The following ATP8A2 variants were observed in gnomAD, a reference collection of about 807,000 sequenced individuals.
ATP8A2 encodes phospholipid-transporting ATPase IB.
Under a neutral mutation model 165.6 loss-of-function variants are expected in ATP8A2, and 100 were observed. That is an observed-to-expected ratio of 0.60 (90% confidence interval 0.51 to 0.71). ATP8A2 has a LOEUF of 0.71. Ranked by LOEUF, ATP8A2 falls within the 30% of genes least tolerant of loss-of-function variation. ATP8A2 has a pLI of 0.00. For synonymous variants in ATP8A2, 543 were observed against 548.8 expected (o/e 0.99, Z 0.15); for missense variants, 1,227 against 1,479.5 (o/e 0.83, Z 2.80).
intron 5 of ATP8A2, 140 bp downstream of exon 5, chr13:25,532,457 C>T: frequency 3.3e-6 from 2 of 602,598 alleles, no homozygotes; most frequent in Non-Finnish European, 5.8e-6. Flanking sequence ...AGTAAAATAA[C>T]AAACAAACTG....
At chr13:25,778,026 T>G (rs906554582) in intron 27 of ATP8A2, among the ~76,000 whole-genome samples, 5 of 152,224 alleles carry the variant, frequency 3.3e-5, no homozygotes, top group African/African-American at 1.2e-4. Flanking sequence ...CTTCTGCAAC[T>G]CATTTCACCT....
At chr13:25,933,489 T>C (rs1954816605) in intron 33 of ATP8A2, among the ~76,000 whole-genome samples, 1 of 152,200 alleles carries the variant, frequency 6.6e-6, no homozygotes, top group South Asian at 2.1e-4. Flanking sequence ...TCTTTTTAAA[T>C]TCATGTTAAA....
At chr13:25,500,881 A>G (rs1004386859) in intron 2 of ATP8A2, among the ~76,000 whole-genome samples, 1 of 152,182 alleles carries the variant, frequency 6.6e-6, no homozygotes, top group Non-Finnish European at 1.5e-5. Context: ...ACCAATATAT[A>G]TAATTTTAAG....
At chr13:25,636,611 A>C (rs1380922663) in intron 24 of ATP8A2, among the ~76,000 whole-genome samples, 1 of 152,180 alleles carries the variant, frequency 6.6e-6, no homozygotes, top group East Asian at 1.9e-4. Flanking sequence ...AGCATAAACA[A>C]ACATGAACCT....
intron 30 of ATP8A2, among the ~76,000 whole-genome samples, chr13:25,852,615 T>C (rs565243403): frequency 6.6e-6 from 1 of 152,352 alleles, no homozygotes; most frequent in East Asian, 1.9e-4. Flanking sequence ...TTTGAAATTA[T>C]CTCCTGTCAT....
At chr13:25,591,659 C>T (rs1409310588) in intron 24 of ATP8A2, among the ~76,000 whole-genome samples, 5 of 151,372 alleles carry the variant, frequency 3.3e-5, no homozygotes, top group South Asian at 2.1e-4. Flanking sequence ...CGAGGCTCAC[C>T]GCAACCTCCA....
rs138145296 is a variant in ATP8A2 at position 25,967,660 on chromosome 13, C to T, written c.3273-915C>T. On this transcript the variant is annotated intron_variant, in intron 34 of 36. Coordinates refer to ENST00000381655, the MANE Select transcript of ATP8A2 (RefSeq NM_016529.6). ...TCTGGTGTGTTACTAATTTTTGAGC[C>T]TTTTCCCTTTGCAGTTTTTTTCTCT... is the stretch of plus-strand genomic sequence containing the variant. Among the ~76,000 whole-genome samples, 735 of 152,266 alleles carry T rather than the reference C, an allele frequency of 4.8e-3. 7 individuals carry two copies. The highest frequency in any genetic ancestry group is 0.017 in the African/African-American group (696 of 41,550).
At chr13:25,529,357 ATCTGT>A (rs1293682271) in intron 2 of ATP8A2, among the ~76,000 whole-genome samples, 1 of 152,202 alleles carries the variant, frequency 6.6e-6, no homozygotes, top group African/African-American at 2.4e-5. Context: ...CGTTCCCATA[ATCTGT>A]TCTGGGGATA....
intron 15 of ATP8A2, among the ~76,000 whole-genome samples, chr13:25,562,370 T>C (rs1040635412): frequency 6.6e-6 from 1 of 152,188 alleles, no homozygotes; most frequent in Non-Finnish European, 1.5e-5. Context: ...TCTGTTTCCC[T>C]TATAAATGGT....
intron 24 of ATP8A2, among the ~76,000 whole-genome samples, chr13:25,650,541 A>G (rs2041787419): frequency 6.6e-6 from 1 of 152,234 alleles, no homozygotes. Context: ...CTAGCTTACT[A>G]GAACCTCCAC....
rs2139390345 is a variant in ATP8A2 at position 26,022,946 on chromosome 13, T to G, written c.*2961T>G. 6.6e-6 allele frequency: 1 copy of G among 152,366 alleles called. No homozygotes were observed. Among genetic ancestry groups the G allele is most frequent in the South Asian group, 2.1e-4 (1 of 4,830 alleles). The allele number at this position is 152,366 out of a possible 1,614,324, so 9.4% of individuals were successfully genotyped here. ...CTACTGCTGTGTACAGACAGCCCAG[T>G]CCTGTGTTGAGTCTCTCTTCTCCTG... is the stretch of plus-strand genomic sequence containing the variant. On this transcript the variant is annotated 3_prime_UTR_variant, in exon 37 of 37. Coordinates refer to ENST00000381655, the MANE Select transcript of ATP8A2 (RefSeq NM_016529.6).
intron 24 of ATP8A2, among the ~76,000 whole-genome samples, chr13:25,613,998 T>C (rs2040757725): frequency 6.6e-6 from 1 of 152,242 alleles, no homozygotes; most frequent in African/African-American, 2.4e-5. Context: ...TTAGATAACC[T>C]GATGACTGTG....
intron 6 of ATP8A2, 22 bp from the exon 7 acceptor site, chr13:25,537,966 G>C: frequency 6.3e-7 from 1 of 1,591,076 alleles, no homozygotes; most frequent in African/African-American, 1.3e-5. Flanking sequence ...GTGCCCCTCT[G>C]TCCTCATCCC....
intron 13 of ATP8A2, among the ~76,000 whole-genome samples, chr13:25,558,504 T>C (rs1207064600): frequency 6.6e-6 from 1 of 152,198 alleles, no homozygotes; most frequent in East Asian, 1.9e-4. Flanking sequence ...CCCTCTTCTA[T>C]ACAACAGTAA....
chr13:25,881,935 T>C (rs1194686811), intron 33 of ATP8A2, among the ~76,000 whole-genome samples: 1 of 152,164 alleles, frequency 6.6e-6, no homozygotes, highest in Non-Finnish European at 1.5e-5. Context: ...CCAGAGTGCC[T>C]GAGTCCATTT....
chr13:25,854,469 T>C (rs9319250), intron 30 of ATP8A2, among the ~76,000 whole-genome samples: 20,282 of 152,144 alleles, frequency 0.13, 1,611 homozygotes, highest in Non-Finnish European at 0.18. Context: ...ACTACAGGCA[T>C]GCACCAGCAT....
At chr13:25,952,848 T>C (rs1955407268) in intron 33 of ATP8A2, among the ~76,000 whole-genome samples, 1 of 152,076 alleles carries the variant, frequency 6.6e-6, no homozygotes, top group Non-Finnish European at 1.5e-5. Context: ...AGCAAATAGG[T>C]TTGGAATGTA....
chr13:25,528,209 G>T (rs1472132151), intron 2 of ATP8A2, among the ~76,000 whole-genome samples: 3 of 152,192 alleles, frequency 2.0e-5, no homozygotes, highest in African/African-American at 7.2e-5. Context: ...ACAAGGAGGA[G>T]ATCCATGTCA....
intron 35 of ATP8A2, among the ~76,000 whole-genome samples, chr13:25,992,723 A>G (rs2139295327): frequency 6.6e-6 from 1 of 151,622 alleles, no homozygotes; most frequent in East Asian, 1.9e-4. Context: ...GTTTTAGGGT[A>G]CATGTGCACA....
Sources: gnomAD v4.1 joint callset for allele counts (sites outside exome capture counted in the v4.1 genomes callset) on GRCh38, gnomAD v4.1.1 for gene constraint, MANE v1.5 for transcripts, NCBI Gene and HGNC (gene_info 2026-07-23, HGNC 2026-07-21) for gene names.